The following NSF variants were observed in gnomAD, a reference collection of about 807,000 sequenced individuals.
The protein encoded by NSF is N-ethylmaleimide sensitive factor, vesicle fusing ATPase.
Under a neutral mutation model 50.3 loss-of-function variants are expected in NSF, and 14 were observed. The observed-to-expected ratio is 0.28, with a 90% CI of 0.18 to 0.44. The LOEUF (loss-of-function observed/expected upper bound fraction) is 0.44. Among genes scored for constraint, NSF ranks in the 20% least tolerant of loss-of-function variants. The pLI is 1.00. For missense variants in NSF, 218 were observed against 504.3 expected, an observed-to-expected ratio of 0.43 and a Z score of 5.44; for synonymous variants, 109 against 175.7, an observed-to-expected ratio of 0.62 and a Z score of 3.00.
intron 16 of NSF, among the ~76,000 whole-genome samples, chr17:46,727,618 AGGTCTCCATAAATTGATAGTG>A (rs1215800980): frequency 6.6e-6 from 1 of 152,126 alleles, no homozygotes; most frequent in African/African-American, 2.4e-5. Context: ...TATATCTGTG[AGGTCTCCATAAATTGATAGTG>A]GGTTTTGGGT....
chr17:46,742,148 A>G (rs2059079959), intron 17 of NSF, among the ~76,000 whole-genome samples: 1 of 152,224 alleles, frequency 6.6e-6, no homozygotes, highest in Non-Finnish European at 1.5e-5. Context: ...GTCAATAGCT[A>G]ATCAATTGAT....
At chr17:46,737,018 T>C (rs1330721727) in intron 17 of NSF, among the ~76,000 whole-genome samples, 2 of 152,222 alleles carry the variant, frequency 1.3e-5, no homozygotes, top group African/African-American at 2.4e-5. Flanking sequence ...GAAGTTTCTT[T>C]TTCACCAAAA....
intron 15 of NSF, among the ~76,000 whole-genome samples, chr17:46,715,086 G>A (rs1010166221): frequency 6.6e-6 from 1 of 152,200 alleles, no homozygotes; most frequent in Admixed American, 6.5e-5. Context: ...AATTGCACAG[G>A]GTACTTCAGA....
intron 15 of NSF, among the ~76,000 whole-genome samples, chr17:46,720,074 T>C (rs1370979460): frequency 6.6e-6 from 1 of 152,188 alleles, no homozygotes; most frequent in Non-Finnish European, 1.5e-5. Context: ...TCCTCCTCTT[T>C]TCATGGTTTA....
rs373575202 is a variant in NSF at position 46,704,803 on chromosome 17, G to A, written c.1419G>A (p.Leu473=). The part of the protein sequence containing the change: ...VEVDMEKAES[L]QVTRGDFLAS... Reference sequence around the variant, plus strand: ...TGGACATGGAGAAAGCAGAAAGCCTGCAAGTGACGAGAGGAGACTTCCTTG... The same window carrying A: ...TGGACATGGAGAAAGCAGAAAGCCTACAAGTGACGAGAGGAGACTTCCTTG... Residue 473 remains leucine (L), a synonymous_variant, in exon 13 of 21, where the codon CTG becomes CTA. Transcript: ENST00000398238. 328 of 1,608,488 alleles carry A rather than the reference G, an allele frequency of 2.0e-4. 1 individual carries two copies. In the African/African-American group the frequency reaches 3.8e-3, roughly 19 times the overall value.
chr17:46,756,963 A>G lies in NSF; in HGVS notation c.*1140A>G, dbSNP rs1386352812. 6.6e-6 allele frequency: 1 copy of G among 152,376 alleles called. No individual in the cohort carries two copies. The highest frequency in any genetic ancestry group is 2.4e-5 in the African/African-American group (1 of 41,432). 9.4% of individuals were successfully genotyped at this position (152,376 alleles called of 1,614,324 possible). A position where few individuals can be genotyped will look rare whatever the true frequency, so the allele number is the denominator to read the frequency against. ...CTTAGCAGGAATTTAATTAGGTCAT[A>G]TTTGGTGATGAGACTTATGGAGTGT... is the stretch of plus-strand genomic sequence containing the variant. On this transcript the variant is annotated 3_prime_UTR_variant, in exon 21 of 21. Transcript: ENST00000398238.
intron 15 of NSF, chr17:46,722,240 C>T (rs2058838938): frequency 1.6e-6 from 2 of 1,220,836 alleles, no homozygotes; most frequent in African/African-American, 3.0e-5. Context: ...CGTCAAAATC[C>T]CTACATTCTT....
At chr17:46,621,236 A>T (rs541045076) in intron 1 of NSF, among the ~76,000 whole-genome samples, 3 of 150,264 alleles carry the variant, frequency 2.0e-5, no homozygotes, top group African/African-American at 7.5e-5. Flanking sequence ...TTACCTGTGA[A>T]TGAAGCCGTT....
chr17:46,744,106 G>C (rs567945957), intron 17 of NSF, among the ~76,000 whole-genome samples: 2 of 152,014 alleles, frequency 1.3e-5, no homozygotes, highest in Non-Finnish European at 2.9e-5. Context: ...GGTGCCCTCC[G>C]CCATGATTAG....
chr17:46,736,113 G>A (rs986193489), intron 17 of NSF, among the ~76,000 whole-genome samples: 1 of 152,294 alleles, frequency 6.6e-6, no homozygotes, highest in Middle Eastern at 3.4e-3. Context: ...GCAGTACTGG[G>A]AAAAGAAACC....
At chr17:46,717,399 G>T (rs896136359) in intron 15 of NSF, among the ~76,000 whole-genome samples, 71 of 152,130 alleles carry the variant, frequency 4.7e-4, no homozygotes, top group African/African-American at 1.7e-3. Context: ...GTGTTGGACA[G>T]CACAATAAAT....
At chr17:46,691,884 C>G (rs1397714893) in intron 9 of NSF, among the ~76,000 whole-genome samples, 1 of 151,112 alleles carries the variant, frequency 6.6e-6, no homozygotes, top group African/African-American at 2.5e-5. Flanking sequence ...TCCAGAGTAG[C>G]TGGGATTACA....
chr17:46,736,816 A>C (rs1466870073), intron 17 of NSF, among the ~76,000 whole-genome samples: 2 of 152,174 alleles, frequency 1.3e-5, no homozygotes, highest in Admixed American at 6.5e-5. Context: ...GAATATCTGA[A>C]ATATGCTGTG....
rs1186950947 is a variant in NSF, at chr17:46,711,028, C to T, written c.1536C>T (p.Asp512=). The change falls in exon 14 of 21, where the codon GAC becomes GAT. Residue 512 remains aspartate, a synonymous_variant. Transcript: ENST00000398238. ...TGAACGGTATCATCAAATGGGGTGA[C>T]CCAGTTACTCGAGTTCTAGATGATG... ...YIMNGIIKWG[D]PVTRVLDDGE... The T allele has an allele frequency of 1.9e-6, 3 of 1,592,030 alleles. No individual in the cohort carries two copies. Among genetic ancestry groups the T allele is most frequent in the East Asian group, 4.7e-5 (2 of 42,738 alleles).
chr17:46,681,453 G>A (rs1416334272), intron 9 of NSF, among the ~76,000 whole-genome samples: 3 of 137,194 alleles, frequency 2.2e-5, no homozygotes, highest in Non-Finnish European at 4.7e-5. Context: ...TAGTGCCACT[G>A]CACTCCCGCT....
At chr17:46,708,918 G>A (rs2058689869) in intron 13 of NSF, among the ~76,000 whole-genome samples, 3 of 146,698 alleles carry the variant, frequency 2.0e-5, no homozygotes, top group African/African-American at 7.7e-5. Context: ...TCCGCCTCCT[G>A]GGTTCAAGTG....
chr17:46,740,758 TTC>T (rs2059063006), intron 17 of NSF, among the ~76,000 whole-genome samples: 3 of 150,990 alleles, frequency 2.0e-5, no homozygotes, highest in Middle Eastern at 3.4e-3. Flanking sequence ...GCCTCCTGGG[TTC>T]AAGTGATTCT....
chr17:46,708,804 T>TTATATATATA (rs752353812), intron 13 of NSF, among the ~76,000 whole-genome samples: 9 of 64,396 alleles, frequency 1.4e-4, no homozygotes, highest in Non-Finnish European at 2.1e-4. Flanking sequence ...ACCATTTATT[T>TTATATATATA]TATATATATA....
At chr17:46,676,452 G>A (rs1410999324) in intron 9 of NSF, among the ~76,000 whole-genome samples, 2 of 137,340 alleles carry the variant, frequency 1.5e-5, no homozygotes, top group Non-Finnish European at 3.0e-5. Context: ...GGCTGGTCTC[G>A]AGCTCCCAGC....
Sources: allele counts gnomAD v4.1 joint callset (sites outside exome capture counted in the v4.1 genomes callset), GRCh38; gene constraint gnomAD v4.1.1; transcripts MANE v1.5; gene names NCBI Gene and HGNC (gene_info 2026-07-23, HGNC 2026-07-21).